Variants in RHOBTB3 observed in about 807,000 individuals in gnomAD.
The protein encoded by RHOBTB3 is Rho related BTB domain containing 3, also known as rho-related BTB domain-containing protein 3.
Under a neutral mutation model 67.2 loss-of-function variants are expected in RHOBTB3, and 47 were observed. The observed-to-expected ratio is 0.70, with a 90% CI of 0.55 to 0.89. The LOEUF (loss-of-function observed/expected upper bound fraction) is 0.89. RHOBTB3 is among the 40% of genes least tolerant of loss of function. RHOBTB3 has a pLI of 0.00. For missense variants in RHOBTB3, 631 were observed against 750.0 expected (o/e 0.84, Z 1.85); for synonymous variants, 273 against 274.2 (o/e 1.00, Z 0.04).
intron 1 of RHOBTB3, 25 bp from the exon 2 acceptor site, chr5:95,731,834 C>T: frequency 8.7e-6 from 14 of 1,605,118 alleles, no homozygotes; most frequent in Non-Finnish European, 1.2e-5. Flanking sequence ...CTTCCCTTCT[C>T]CCCTCGCCCC....
rs1755243555 is a variant in RHOBTB3 at position 95,731,496 on chromosome 5, C to T, written c.-187C>T. The T allele has an allele frequency of 8.0e-7, 1 of 1,244,724 alleles. No homozygotes were observed. The highest frequency in any genetic ancestry group is 1.0e-6 in the Non-Finnish European group (1 of 998,286). The allele number at this position is 1,244,724 out of a possible 1,614,324, so 77.1% of individuals were successfully genotyped here. A position where few individuals can be genotyped will look rare whatever the true frequency, so the allele number is the denominator to read the frequency against. On this transcript the variant is annotated 5_prime_UTR_variant, in exon 1 of 12. Coordinates refer to ENST00000379982, the MANE Select transcript of RHOBTB3 (RefSeq NM_014899.4). ...CCCCGCCCGCTAGCCCGCCCTGGTCCCCGGCTCGCTCGCTGGCTGGCGCGG... is the reference window on the plus strand; with the variant it reads ...CCCCGCCCGCTAGCCCGCCCTGGTCTCCGGCTCGCTCGCTGGCTGGCGCGG...
At chr5:95,751,941 G>A (rs1745102091) in intron 4 of RHOBTB3, among the ~76,000 whole-genome samples, 1 of 152,174 alleles carries the variant, frequency 6.6e-6, no homozygotes, top group South Asian at 2.1e-4. Flanking sequence ...TATCGGTGAT[G>A]GACATTTAAG....
Position 95,731,423 on chromosome 5 carries a change from C to A in RHOBTB3, c.-260C>A, listed in dbSNP as rs1214266823. ...TCCACTTGGGGCTGTGCGGCGGTCC[C>A]GCGCCCGGCGATGTTCCCGGGCACT... is the stretch of plus-strand genomic sequence containing the variant. On this transcript the variant is annotated 5_prime_UTR_variant, in exon 1 of 12. Coordinates refer to ENST00000379982, the MANE Select transcript of RHOBTB3 (RefSeq NM_014899.4). The A allele has an allele frequency of 5.0e-6, 6 of 1,194,000 alleles. No individual in the cohort carries two copies. The African/African-American group carries it at 9.6e-5, about 19-fold the overall frequency. The allele number at this position is 1,194,000 out of a possible 1,614,324, so 74.0% of individuals were successfully genotyped here.
intron 3 of RHOBTB3, among the ~76,000 whole-genome samples, chr5:95,738,833 G>A (rs766720968): frequency 3.3e-5 from 5 of 151,966 alleles, no homozygotes; most frequent in South Asian, 2.1e-4. Flanking sequence ...ATCTCTTATC[G>A]AAGAGATAAG....
Position 95,793,913 on chromosome 5 carries a change from A to G in RHOBTB3, c.*739A>G. On this transcript the variant is annotated 3_prime_UTR_variant, in exon 12 of 12. Transcript: ENST00000379982. The stretch of plus-strand genomic sequence containing the variant: ...GGAAATTCTTAATAATGTTTGAAGA[A>G]GGGCCCCATGATTTCATTTTGTGCT... The G allele has an allele frequency of 2.3e-6, 1 of 441,458 alleles. No homozygotes were observed. The highest frequency in any genetic ancestry group is 7.0e-5 in the East Asian group (1 of 14,344). The allele number at this position is 441,458 out of a possible 1,614,324, so 27.3% of individuals were successfully genotyped here. A position where few individuals can be genotyped will look rare whatever the true frequency, so the allele number is the denominator to read the frequency against.
Position 95,755,597 on chromosome 5 carries a change from A to G in RHOBTB3, c.884A>G (p.Asp295Gly). Residue 295 changes from aspartate to glycine, a missense_variant, in exon 6 of 12, where the codon GAT (aspartate) becomes GGT (glycine). By Grantham distance (94) the Asp-to-Gly change is moderately conservative. Coordinates refer to ENST00000379982, the MANE Select transcript of RHOBTB3 (RefSeq NM_014899.4). ...FNVKSPTDIQ[D>G]SSIIRTTQDL... is the part of the protein sequence containing the mutation. ...GTGAAGAGTCCCACTGACATTCAGG[A>G]TTCCAGTATCATCCGAACTACCCAG... 1.2e-6 allele frequency: 2 copies of G among 1,614,160 alleles called. No individual in the cohort carries two copies. Among genetic ancestry groups the G allele is most frequent in the South Asian group, 2.2e-5 (2 of 91,060 alleles).
At chr5:95,730,151 T>C (rs1755177791), upstream of RHOBTB3, among the ~76,000 whole-genome samples, 1 of 152,024 alleles carries the variant, frequency 6.6e-6, no homozygotes, top group Non-Finnish European at 1.5e-5. Flanking sequence ...CGAGAAACTA[T>C]TAAACTACTT....
chr5:95,760,653 TAAG>T (rs1385772869), intron 6 of RHOBTB3, among the ~76,000 whole-genome samples: 1 of 152,190 alleles, frequency 6.6e-6, no homozygotes, highest in Non-Finnish European at 1.5e-5. Flanking sequence ...TTCAGTGCTT[TAAG>T]AAGTTAACTA....
chr5:95,777,450 T>A (rs1391473179), intron 8 of RHOBTB3, among the ~76,000 whole-genome samples: 1 of 152,190 alleles, frequency 6.6e-6, no homozygotes, highest in Non-Finnish European at 1.5e-5. Flanking sequence ...TAGAAAAAAA[T>A]TCTTAAAATT....
At chr5:95,777,437 C>T (rs1337405787) in intron 8 of RHOBTB3, among the ~76,000 whole-genome samples, 2 of 152,038 alleles carry the variant, frequency 1.3e-5, no homozygotes, top group Non-Finnish European at 2.9e-5. Context: ...TAGTTCTTTT[C>T]CTTAGAAAAA....
intron 10 of RHOBTB3, 83 bp downstream of exon 10, chr5:95,784,046 A>G: frequency 1.7e-6 from 2 of 1,147,570 alleles, no homozygotes; most frequent in East Asian, 5.4e-5. Flanking sequence ...ATCATTTTTT[A>G]ACATACGTTA....
At chr5:95,784,731 G>A (rs1256056641) in intron 10 of RHOBTB3, among the ~76,000 whole-genome samples, 1 of 152,190 alleles carries the variant, frequency 6.6e-6, no homozygotes, top group African/African-American at 2.4e-5. Flanking sequence ...CAAACCCCCA[G>A]ATGTGCTCAC....
At chr5:95,742,700 A>G (rs918779251) in intron 3 of RHOBTB3, among the ~76,000 whole-genome samples, 18 of 152,168 alleles carry the variant, frequency 1.2e-4, no homozygotes, top group African/African-American at 3.9e-4. Context: ...TTTTTATTTC[A>G]AAAGCTTTTC....
At chr5:95,741,523 G>GTTTTTTTTTTTTTTTTTCT (rs1755598578) in intron 3 of RHOBTB3, among the ~76,000 whole-genome samples, 1 of 84,852 alleles carries the variant, frequency 1.2e-5, no homozygotes, top group Non-Finnish European at 2.2e-5. Flanking sequence ...CTTTCTTTCT[G>GTTTTTTTTTTTTTTTTTCT]TTTTTTTTTT....
At chr5:95,747,268 G>A (rs1415625048) in intron 3 of RHOBTB3, among the ~76,000 whole-genome samples, 1 of 152,164 alleles carries the variant, frequency 6.6e-6, no homozygotes, top group African/African-American at 2.4e-5. Context: ...GCCCCCTGTA[G>A]GATCAGCTTT....
intron 2 of RHOBTB3, among the ~76,000 whole-genome samples, chr5:95,735,359 TA>T (rs1177920399): frequency 6.6e-6 from 1 of 152,046 alleles, no homozygotes; most frequent in East Asian, 1.9e-4. Context: ...CAGTTCTTGT[TA>T]CTCTGAGTGT....
In RHOBTB3 at chr5:95,768,039, C is replaced by T. The variant is rs377606917; in HGVS notation, c.1162-7C>T. 3.7e-6 allele frequency: 6 copies of T among 1,612,036 alleles called. No homozygotes were observed. In the African/African-American group the frequency reaches 5.3e-5, roughly 14 times the overall value. ...ACCTTTCCCTGTATTTTTGTTTTCC[C>T]TTATAGATTAATTGCCTAAGGAATT... On this transcript the variant is annotated splice_polypyrimidine_tract_variant and splice_region_variant and intron_variant, in intron 7 of 11. Transcript: ENST00000379982.
chr5:95,761,590 G>A (rs1164388918), intron 6 of RHOBTB3, among the ~76,000 whole-genome samples: 1 of 152,100 alleles, frequency 6.6e-6, no homozygotes, highest in Non-Finnish European at 1.5e-5. Context: ...TTTCTAAAGG[G>A]AAAGCAGTGG....
chr5:95,736,241 G>C (rs955855347), intron 2 of RHOBTB3, among the ~76,000 whole-genome samples: 1 of 152,106 alleles, frequency 6.6e-6, no homozygotes, highest in African/African-American at 2.4e-5. Flanking sequence ...ATTTATGTAG[G>C]CAAAATACGT....
Sources: gnomAD v4.1 joint callset for allele counts (sites outside exome capture counted in the v4.1 genomes callset) on GRCh38, gnomAD v4.1.1 for gene constraint, MANE v1.5 for transcripts, NCBI Gene and HGNC (gene_info 2026-07-23, HGNC 2026-07-21) for gene names.